The following C13orf46 variants were observed in gnomAD, a reference collection of about 807,000 sequenced individuals.
C13orf46 encodes chromosome 13 open reading frame 46.
At chr13:113,951,614 A>G (rs2052489009), downstream of C13orf46, among the ~76,000 whole-genome samples, 2 of 142,916 alleles carry the variant, frequency 1.4e-5, no homozygotes, top group African/African-American at 2.6e-5. Flanking sequence ...CCCGCCCCCC[A>G]TGCCCTGCTC....
In C13orf46 at chr13:113,968,726, A is replaced by G. The variant is rs976877427; in HGVS notation, c.277T>C (p.Phe93Leu). The G allele has an allele frequency of 1.9e-4, 29 of 152,262 alleles. No individual in the cohort carries two copies. The highest frequency in any genetic ancestry group is 6.8e-4 in the African/African-American group (28 of 41,444). The allele number at this position is 152,262 out of a possible 1,614,324, so 9.4% of individuals were successfully genotyped here. The change falls in exon 3 of 7, where the codon TTC (phenylalanine) becomes CTC (leucine). Residue 93 changes from phenylalanine (F) to leucine (L), a missense_variant. Coordinates refer to ENST00000636427, the MANE Select transcript of C13orf46 (RefSeq NM_001365455.2). ...KNLAQDKKES[F>L]STLGKLGHES... ...TGACCCAGCTTCCCAAGGGTGCTGA[A>G]GCTTTCCTTCTTGTCTTGTGCTAGG...
At position 113,968,517 on chromosome 13, in the gene C13orf46, G is replaced by GT. The variant is rs2052672267; in HGVS notation, c.409-4dup. On this transcript the variant is annotated splice_polypyrimidine_tract_variant and splice_region_variant and intron_variant, in intron 3 of 6. Coordinates refer to ENST00000636427, the MANE Select transcript of C13orf46 (RefSeq NM_001365455.2). ...TTTATGGACTCTGCCTCCTGTTCCT[G>GT]TAAGACCAAAGAGGTTAAGTGAAGG... 1 of 152,288 alleles carries GT rather than the reference G, an allele frequency of 6.6e-6. No individual in the cohort carries two copies. The highest frequency in any genetic ancestry group is 2.4e-5 in the African/African-American group (1 of 41,464). 9.4% of individuals were successfully genotyped at this position (152,288 alleles called of 1,614,324 possible). A position where few individuals can be genotyped will look rare whatever the true frequency, so the allele number is the denominator to read the frequency against.
At position 113,955,681 on chromosome 13, in the gene C13orf46, AGAC is replaced by A. The variant is rs1466008979; in HGVS notation, c.*1089_*1091del. The A allele has an allele frequency of 1.4e-5, 2 of 146,642 alleles. No homozygotes were observed. Among genetic ancestry groups the A allele is most frequent in the South Asian group, 1.8e-4 (1 of 5,630 alleles). 9.1% of individuals were successfully genotyped at this position (146,642 alleles called of 1,614,324 possible). A position where few individuals can be genotyped will look rare whatever the true frequency, so the allele number is the denominator to read the frequency against. On this transcript the variant is annotated 3_prime_UTR_variant, in exon 7 of 7. Coordinates refer to ENST00000636427, the MANE Select transcript of C13orf46 (RefSeq NM_001365455.2). ...AGAGACAAGGAGTAGTGTCTGGCAG[AGAC>A]GAGGAGTAGTGTCTGGCGGAGAGGA...
the C13orf46 span, among the ~76,000 whole-genome samples, chr13:113,938,420 A>G: frequency 6.6e-6 from 1 of 152,178 alleles, no homozygotes; most frequent in Non-Finnish European, 1.5e-5. Flanking sequence ...CAGCCTCCAG[A>G]GACGGCAGCA....
At chr13:113,972,486 C>A (rs1445996527) in intron 1 of C13orf46, among the ~76,000 whole-genome samples, 3 of 152,192 alleles carry the variant, frequency 2.0e-5, no homozygotes, top group African/African-American at 7.2e-5. Context: ...GGCGGAGCTG[C>A]CGAGGCCGCG....
At chr13:113,933,872 G>A in the C13orf46 span, among the ~76,000 whole-genome samples, 2 of 152,168 alleles carry the variant, frequency 1.3e-5, no homozygotes, top group African/African-American at 2.4e-5. Context: ...AAACTGATAT[G>A]GGCACCACGC....
In C13orf46 at chr13:113,953,965, G is replaced by A. The variant is rs1412530025; in HGVS notation, c.*2808C>T. ...TGGGGCCGATGGGCACTTATCTTCT[G>A]TGGTGTCTTTCAGTCAAGGGTGGGT... On this transcript the variant is annotated 3_prime_UTR_variant, in exon 7 of 7. Coordinates refer to ENST00000636427, the MANE Select transcript of C13orf46 (RefSeq NM_001365455.2). 6.6e-6 allele frequency: 1 copy of A among 152,400 alleles called. No homozygotes were observed. Among genetic ancestry groups the A allele is most frequent in the Non-Finnish European group, 1.5e-5 (1 of 68,166 alleles). The allele number at this position is 152,400 out of a possible 1,614,324, so 9.4% of individuals were successfully genotyped here.
chr13:113,963,179 T>C (rs1023410381), intron 6 of C13orf46, among the ~76,000 whole-genome samples: 14 of 150,882 alleles, frequency 9.3e-5, no homozygotes, highest in East Asian at 2.0e-4. Flanking sequence ...GCCTCCCCGC[T>C]ATCCTCAGCC....
chr13:113,972,337 G>A (rs2052716210), intron 1 of C13orf46, among the ~76,000 whole-genome samples: 1 of 152,190 alleles, frequency 6.6e-6, no homozygotes, highest in African/African-American at 2.4e-5. Flanking sequence ...GCACATATTT[G>A]GATTTTTAAA....
At chr13:113,965,922 AATGATGATGATTATGATGGTG>A (rs1328554017) in intron 5 of C13orf46, among the ~76,000 whole-genome samples, 2 of 145,894 alleles carry the variant, frequency 1.4e-5, no homozygotes, top group African/African-American at 5.1e-5. Flanking sequence ...TGATGGTGAC[AATGATGATGATTATGATGGTG>A]ATGATGATGG....
chr13:113,929,266 G>A, the C13orf46 span, among the ~76,000 whole-genome samples: 512 of 152,348 alleles, frequency 3.4e-3, 2 homozygotes, highest in African/African-American at 0.012. Flanking sequence ...CCCTCCTTCC[G>A]TCTGCCACCT....
At chr13:113,964,756 A>G (rs2052620019) in intron 6 of C13orf46, among the ~76,000 whole-genome samples, 171 bp downstream of exon 6, 1 of 152,118 alleles carries the variant, frequency 6.6e-6, no homozygotes, top group African/African-American at 2.4e-5. Context: ...CCCTGCCCTC[A>G]GTCCCTCAGG....
the C13orf46 span, among the ~76,000 whole-genome samples, chr13:113,930,684 C>T: frequency 6.6e-6 from 1 of 152,262 alleles, no homozygotes; most frequent in Non-Finnish European, 1.5e-5. Flanking sequence ...CCAGACCACA[C>T]TCCCATTCAT....
At chr13:113,944,437 A>G in the C13orf46 span, among the ~76,000 whole-genome samples, 8 of 152,214 alleles carry the variant, frequency 5.3e-5, no homozygotes, top group African/African-American at 1.9e-4. Flanking sequence ...GATGGGGAGA[A>G]AGGTCCTCCT....
At chr13:113,969,066 C>A (rs2052677502) in intron 2 of C13orf46, among the ~76,000 whole-genome samples, 1 of 152,252 alleles carries the variant, frequency 6.6e-6, no homozygotes, top group African/African-American at 2.4e-5. Flanking sequence ...CTCAAAGAAC[C>A]AAAATCTGAT....
the C13orf46 span, among the ~76,000 whole-genome samples, chr13:113,947,133 G>A: frequency 1.1e-4 from 17 of 152,262 alleles, no homozygotes; most frequent in African/African-American, 3.9e-4. Context: ...TCCTGAAGGG[G>A]CCTTTGGCCC....
chr13:113,949,143 T>C (rs2052479955), downstream of C13orf46, among the ~76,000 whole-genome samples: 1 of 152,230 alleles, frequency 6.6e-6, no homozygotes, highest in Admixed American at 6.5e-5. Flanking sequence ...ATAAAAACTT[T>C]TGGGCATCAG....
At chr13:113,966,161 AGTGGTGATGGTGATGATGATGATG>A (rs2052644157) in intron 5 of C13orf46, among the ~76,000 whole-genome samples, 2 of 100,978 alleles carry the variant, frequency 2.0e-5, no homozygotes, top group Middle Eastern at 7.7e-3. Context: ...TGACGGTGAT[AGTGGTGATGGTGATGATGATGATG>A]GTGATGATGG....
chr13:113,945,608 G>A, the C13orf46 span, among the ~76,000 whole-genome samples: 2,426 of 56,468 alleles, frequency 0.043, 19 homozygotes, highest in Middle Eastern at 0.1. Flanking sequence ...AAAGAAAGAA[G>A]AAAGAAAGAA....
Sources: gnomAD v4.1 joint callset for allele counts (sites outside exome capture counted in the v4.1 genomes callset) on GRCh38, gnomAD v4.1.1 for gene constraint, MANE v1.5 for transcripts, NCBI Gene and HGNC (gene_info 2026-07-23, HGNC 2026-07-21) for gene names.